Variants in YWHAZ observed in about 807,000 individuals in gnomAD.
YWHAZ encodes the protein 14-3-3 protein zeta/delta.
For synonymous variants in YWHAZ, 87 were observed against 103.6 expected (o/e 0.84, Z 0.97); for missense variants, 79 against 284.8 (o/e 0.28, Z 5.20).
At chr8:100,952,415 C>T (rs1279202374), upstream of YWHAZ, 1 of 154,444 alleles carries the variant, frequency 6.5e-6, no homozygotes, top group Non-Finnish European at 1.4e-5. Flanking sequence ...CCCCTGCAGC[C>T]TCTGCCGGCC....
At chr8:100,951,408 G>T in intron 1 of YWHAZ, 2 of 981,580 alleles carry the variant, frequency 2.0e-6, no homozygotes, top group Non-Finnish European at 2.4e-6. Context: ...GCGCGAGGGG[G>T]AGGGAAAGGA....
At chr8:100,933,036 G>T (rs937289816) in intron 2 of YWHAZ, among the ~76,000 whole-genome samples, 2 of 152,132 alleles carry the variant, frequency 1.3e-5, no homozygotes, top group African/African-American at 4.8e-5. Flanking sequence ...AAAGTGATAA[G>T]AATCAGTATT....
At chr8:100,934,652 C>T (rs1814009098) in intron 2 of YWHAZ, among the ~76,000 whole-genome samples, 1 of 152,076 alleles carries the variant, frequency 6.6e-6, no homozygotes, top group Non-Finnish European at 1.5e-5. Flanking sequence ...GCCATCTGCA[C>T]TCCAACCTGG....
chr8:100,951,838 G>A, intron 1 of YWHAZ, 91 bp downstream of exon 1: 1 of 986,296 alleles, frequency 1.0e-6, no homozygotes, highest in Non-Finnish European at 1.2e-6. Context: ...GGGCGAGTGG[G>A]GATGAGGGGA....
chr8:100,939,659 C>T (rs961818131), intron 2 of YWHAZ, among the ~76,000 whole-genome samples: 1 of 148,818 alleles, frequency 6.7e-6, no homozygotes, highest in Non-Finnish European at 1.5e-5. Context: ...AACTCCATCT[C>T]AAAAAAAATA....
At chr8:100,952,187 C>G, upstream of YWHAZ, 9 of 983,500 alleles carry the variant, frequency 9.2e-6, no homozygotes, top group Non-Finnish European at 1.1e-5. Context: ...CCGCCGCTCC[C>G]CGGCGCTCGT....
rs926775358 is a variant in YWHAZ at position 100,951,983 on chromosome 8, GGCGGCGGCGGCAGCA to G, written c.-81_-67del. 4 of 1,003,752 alleles carry G rather than the reference GGCGGCGGCGGCAGCA, an allele frequency of 4.0e-6. No individual in the cohort carries two copies. The African/African-American group carries it at 7.0e-5, about 17-fold the overall frequency. 62.2% of individuals were successfully genotyped at this position (1,003,752 alleles called of 1,614,324 possible). Reference sequence around the variant, plus strand: ...CGGACGGGCTCAGCAGTCTCTGGGCGGCGGCGGCGGCAGCAGCGGCGAGGCTGAGACTCTGTCCCT... The same window carrying G: ...CGGACGGGCTCAGCAGTCTCTGGGCGGCGGCGAGGCTGAGACTCTGTCCCT... On this transcript the variant is annotated 5_prime_UTR_variant, in exon 1 of 6. Coordinates refer to ENST00000395958, the MANE Select transcript of YWHAZ (RefSeq NM_145690.3).
chr8:100,949,519 A>G (rs535209010), intron 1 of YWHAZ, among the ~76,000 whole-genome samples: 29 of 152,272 alleles, frequency 1.9e-4, no homozygotes, highest in African/African-American at 5.3e-4. Flanking sequence ...TTGTTTTCAG[A>G]TATTTTGAGT....
chr8:100,921,043 CTTTTTT>C (rs201386826), intron 5 of YWHAZ, among the ~76,000 whole-genome samples: 6 of 151,460 alleles, frequency 4.0e-5, no homozygotes, highest in African/African-American at 1.5e-4. Context: ...AGAAATAATA[CTTTTTT>C]TTTGAGATGG....
chr8:100,938,246 T>C (rs900076457), intron 2 of YWHAZ, among the ~76,000 whole-genome samples: 10 of 152,194 alleles, frequency 6.6e-5, no homozygotes, highest in African/African-American at 2.4e-4. Flanking sequence ...TTAAATGTCA[T>C]GTTTCAATCT....
chr8:100,925,097 C>A, intron 2 of YWHAZ, 58 bp from the exon 3 acceptor site: 1 of 1,528,452 alleles, frequency 6.5e-7, no homozygotes, highest in South Asian at 1.3e-5. Context: ...ACTGAAAGAA[C>A]TTGCATTTCT....
chr8:100,950,950 G>A (rs1005666590), intron 1 of YWHAZ: 2 of 179,462 alleles, frequency 1.1e-5, no homozygotes, highest in Non-Finnish European at 2.2e-5. Flanking sequence ...CCGAGCGCAG[G>A]GACCCTCCAG....
At chr8:100,936,089 A>G (rs969382544) in intron 2 of YWHAZ, among the ~76,000 whole-genome samples, 3 of 152,188 alleles carry the variant, frequency 2.0e-5, no homozygotes, top group African/African-American at 7.2e-5. Context: ...GCCACTATAC[A>G]CTCAAACCAC....
intron 2 of YWHAZ, 100 bp from the exon 3 acceptor site, chr8:100,925,139 C>CT: frequency 7.8e-7 from 1 of 1,284,636 alleles, no homozygotes; most frequent in African/African-American, 1.5e-5. Context: ...AGTTATAAAA[C>CT]TTAAACACCC....
At chr8:100,931,889 C>T (rs538661747) in intron 2 of YWHAZ, 1 of 151,670 alleles carries the variant, frequency 6.6e-6, no homozygotes, top group South Asian at 2.1e-4. Flanking sequence ...AGTTTTCATT[C>T]AAAAACACAG....
chr8:100,948,217 TTACC>T lies in YWHAZ; in HGVS notation c.294+375_294+378del. 1.5e-6 allele frequency: 2 copies of T among 1,291,464 alleles called. No individual in the cohort carries two copies. The highest frequency in any genetic ancestry group is 1.5e-5 in the African/African-American group (1 of 66,930). The allele number at this position is 1,291,464 out of a possible 1,614,324, so 80.0% of individuals were successfully genotyped here. ...CAATGAGTATCCTATTACATCTCTC[TTACC>T]TAAAGTATGTAAAATTCCTTTATCC... On this transcript the variant is annotated intron_variant, in intron 2 of 5. Transcript: ENST00000395958. This position sits in a 1 kb window ranked among gnomAD's most constrained non-coding sequence, Gnocchi z 4.2.
intron 1 of YWHAZ, chr8:100,950,481 G>T (rs1810635278): frequency 2.0e-6 from 2 of 985,318 alleles, no homozygotes; most frequent in African/African-American, 1.7e-5. Context: ...TCCGGTCCGC[G>T]TATCGCAACC....
At chr8:100,930,417 G>C (rs1813685347) in intron 2 of YWHAZ, among the ~76,000 whole-genome samples, 1 of 152,096 alleles carries the variant, frequency 6.6e-6, no homozygotes, top group African/African-American at 2.4e-5. Flanking sequence ...GTAAAACAAG[G>C]GCTAGGTTGA....
At chr8:100,939,711 T>C (rs1814481822) in intron 2 of YWHAZ, among the ~76,000 whole-genome samples, 1 of 151,292 alleles carries the variant, frequency 6.6e-6, no homozygotes, top group Non-Finnish European at 1.5e-5. Flanking sequence ...TTTGAAATGT[T>C]GTTCCTAAAG....
Sources: allele counts gnomAD v4.1 joint callset (sites outside exome capture counted in the v4.1 genomes callset), GRCh38; gene constraint gnomAD v4.1.1; non-coding constraint Gnocchi (gnomAD v3.1); transcripts MANE v1.5; gene names NCBI Gene and HGNC (gene_info 2026-07-23, HGNC 2026-07-21).